The following DCC variants were observed in gnomAD, a reference collection of about 807,000 sequenced individuals.
The protein encoded by DCC is netrin receptor DCC.
Under a neutral mutation model 172.5 loss-of-function variants are expected in DCC, and 58 were observed. The observed-to-expected ratio is 0.34, with a 90% CI of 0.27 to 0.42. The LOEUF is 0.42. Among genes scored for constraint, DCC ranks in the 10% least tolerant of loss-of-function variants. DCC has a pLI of 1.00. For synonymous variants in DCC, 709 were observed against 644.5 expected (o/e 1.10, Z -1.52); for missense variants, 1,740 against 1,791.0 (o/e 0.97, Z 0.51).
chr18:52,977,348 A>G (rs1347495224), intron 5 of DCC, among the ~76,000 whole-genome samples: 1 of 152,034 alleles, frequency 6.6e-6, no homozygotes, highest in African/African-American at 2.4e-5. Context: ...AGGGATTCTG[A>G]TTTATTTGGT....
intron 1 of DCC, among the ~76,000 whole-genome samples, chr18:52,569,659 C>T (rs1415936160): frequency 6.6e-6 from 1 of 152,094 alleles, no homozygotes; most frequent in Non-Finnish European, 1.5e-5. Flanking sequence ...CGATGTTTAT[C>T]TAGTGACTAC....
chr18:53,243,136 T>G, intron 12 of DCC, among the ~76,000 whole-genome samples: 1 of 152,206 alleles, frequency 6.6e-6, no homozygotes, highest in African/African-American at 2.4e-5. Flanking sequence ...CCTATTTTGG[T>G]TTATGTGGCA....
At chr18:53,415,430 A>G (rs926660533) in intron 20 of DCC, among the ~76,000 whole-genome samples, 3 of 152,126 alleles carry the variant, frequency 2.0e-5, no homozygotes, top group Admixed American at 6.6e-5. Flanking sequence ...AATGCCATGT[A>G]ATTTTCAGAA....
intron 2 of DCC, among the ~76,000 whole-genome samples, chr18:52,780,695 T>C (rs2037523157): frequency 6.6e-6 from 1 of 152,148 alleles, no homozygotes; most frequent in Non-Finnish European, 1.5e-5. Context: ...TCAGGTTCTT[T>C]CTGGTGTCCT....
intron 9 of DCC, among the ~76,000 whole-genome samples, chr18:53,191,573 G>T (rs911978049): frequency 6.6e-6 from 1 of 152,062 alleles, no homozygotes; most frequent in African/African-American, 2.4e-5. Context: ...GACAGTGATT[G>T]CTTATATGTA....
intron 27 of DCC, among the ~76,000 whole-genome samples, chr18:53,504,279 G>A (rs1460911841): frequency 6.6e-6 from 1 of 152,124 alleles, no homozygotes; most frequent in African/African-American, 2.4e-5. Flanking sequence ...AATACCACAC[G>A]AGTGTTCCAT....
rs1052150998 is a variant in DCC at position 53,231,514 on chromosome 18, T to G, written c.1911+15917T>G. ...CTAATGCAAGCAATCAGCTATTCTTTGCCTGTCTTTGCAGAAGATTGTGAC... is the reference window on the plus strand; with the variant it reads ...CTAATGCAAGCAATCAGCTATTCTTGGCCTGTCTTTGCAGAAGATTGTGAC... On this transcript the variant is annotated intron_variant, in intron 12 of 28. Coordinates refer to ENST00000442544, the MANE Select transcript of DCC (RefSeq NM_005215.4). 3.2e-4 allele frequency among the ~76,000 whole-genome samples: 49 copies of G among 152,146 alleles called. 1 individual carries two copies. The highest frequency in any genetic ancestry group is 1.2e-3 in the East Asian group (6 of 5,198).
chr18:52,742,328 G>A (rs1357309992), intron 1 of DCC, among the ~76,000 whole-genome samples: 3 of 152,056 alleles, frequency 2.0e-5, no homozygotes, highest in Non-Finnish European at 4.4e-5. Flanking sequence ...TTTCCCTCTT[G>A]ATTTTCTTCT....
At chr18:53,411,953 A>G (rs1220495487) in intron 20 of DCC, among the ~76,000 whole-genome samples, 2 of 152,162 alleles carry the variant, frequency 1.3e-5, no homozygotes, top group Non-Finnish European at 2.9e-5. Context: ...TGAGTGCCAA[A>G]TTAATTTCAT....
At chr18:52,981,642 G>A (rs2041211212) in intron 5 of DCC, among the ~76,000 whole-genome samples, 1 of 151,954 alleles carries the variant, frequency 6.6e-6, no homozygotes, top group African/African-American at 2.4e-5. Context: ...ATGTGAGATT[G>A]GTACAATTAA....
At chr18:52,624,790 A>G (rs560877984) in intron 1 of DCC, among the ~76,000 whole-genome samples, 1 of 152,284 alleles carries the variant, frequency 6.6e-6, no homozygotes, top group East Asian at 1.9e-4. Flanking sequence ...AGGCTTTTCC[A>G]TCTCATTAAG....
chr18:53,475,380 C>T (rs999000701), intron 25 of DCC, among the ~76,000 whole-genome samples: 22 of 152,158 alleles, frequency 1.4e-4, no homozygotes, highest in Admixed American at 8.5e-4. Flanking sequence ...ACATCATGGC[C>T]CTGGAGGCCT....
At position 53,230,763 on chromosome 18, in the gene DCC, C is replaced by T. The variant is rs1476241543; in HGVS notation, c.1911+15166C>T. ...AAAGTTATAAAGTATTTACAAATTC[C>T]ATAGATGGAGATTCAATTTAGAATA... On this transcript the variant is annotated intron_variant, in intron 12 of 28. Transcript: ENST00000442544. Among the ~76,000 whole-genome samples, 24 of 151,644 alleles carry T rather than the reference C, an allele frequency of 1.6e-4. 1 individual carries two copies. Among genetic ancestry groups the T allele is most frequent in the Non-Finnish European group, 3.4e-4 (23 of 67,856 alleles).
intron 1 of DCC, among the ~76,000 whole-genome samples, chr18:52,344,306 A>G (rs528238328): frequency 1.3e-5 from 2 of 152,276 alleles, no homozygotes; most frequent in South Asian, 4.1e-4. Flanking sequence ...GGTTTCCTAA[A>G]CCAATGGGAA....
At position 52,357,203 on chromosome 18, in the gene DCC, T is replaced by G. The variant is rs141598124; in HGVS notation, c.91+16325T>G. ...AAAATGCCACCTAGCACTCAGATCT[T>G]GATTTCTAATACCATTCTCCAATAA... On this transcript the variant is annotated intron_variant, in intron 1 of 28. Coordinates refer to ENST00000442544, the MANE Select transcript of DCC (RefSeq NM_005215.4). 3.8e-3 allele frequency among the ~76,000 whole-genome samples: 573 copies of G among 152,308 alleles called. 2 individuals are homozygous for G. The highest frequency in any genetic ancestry group is 0.013 in the African/African-American group (557 of 41,558).
At chr18:52,469,230 T>A (rs575744095) in intron 1 of DCC, among the ~76,000 whole-genome samples, 9 of 152,182 alleles carry the variant, frequency 5.9e-5, no homozygotes, top group African/African-American at 1.9e-4. Context: ...GCTAATTTTT[T>A]GTATTTTAGT....
At chr18:52,561,278 A>G (rs2033030799) in intron 1 of DCC, among the ~76,000 whole-genome samples, 1 of 7,092 alleles carries the variant, frequency 1.4e-4, no homozygotes, top group African/African-American at 1.5e-4. Flanking sequence ...TTATGATTTT[A>G]TGTGTGTGTA....
intron 1 of DCC, chr18:52,419,689 G>A (rs1403338827): frequency 6.6e-6 from 1 of 152,068 alleles, no homozygotes; most frequent in African/African-American, 2.4e-5. Flanking sequence ...TAGAGTGAGA[G>A]GATCCTGCAT....
intron 1 of DCC, among the ~76,000 whole-genome samples, chr18:52,549,452 T>TCCCC (rs1275720704): frequency 6.6e-6 from 1 of 151,974 alleles, no homozygotes; most frequent in Non-Finnish European, 1.5e-5. Flanking sequence ...TAAGCAACTT[T>TCCCC]CCCCCTCCGA....
Sources: allele counts gnomAD v4.1 joint callset (sites outside exome capture counted in the v4.1 genomes callset), GRCh38; gene constraint gnomAD v4.1.1; transcripts MANE v1.5; gene names NCBI Gene and HGNC (gene_info 2026-07-23, HGNC 2026-07-21).